ZHX3: variants seen among roughly 807,000 people sequenced by gnomAD.
The protein encoded by ZHX3 is zinc fingers and homeoboxes 3, also known as zinc fingers and homeoboxes protein 3.
Under a neutral mutation model 64.5 loss-of-function variants are expected in ZHX3, and 20 were observed. The ratio of observed to expected loss-of-function variants is 0.31; its 90% CI spans 0.22 to 0.45. ZHX3 has a LOEUF of 0.45. Ranked by LOEUF, ZHX3 falls within the 20% of genes least tolerant of loss-of-function variation. The pLI, the probability that ZHX3 is intolerant of heterozygous loss-of-function variation, is 1.00. For synonymous variants in ZHX3, 423 were observed against 461.6 expected (o/e 0.92, Z 1.07); for missense variants, 1,041 against 1,195.8 (o/e 0.87, Z 1.91).
At chr20:41,243,316 G>A (rs2041500645) in intron 2 of ZHX3, among the ~76,000 whole-genome samples, 2 of 152,102 alleles carry the variant, frequency 1.3e-5, no homozygotes, top group South Asian at 4.2e-4. Context: ...TGGCTGCCTG[G>A]AATTAAGATT....
At chr20:41,305,958 G>A (rs2044967663) in intron 1 of ZHX3, among the ~76,000 whole-genome samples, 1 of 152,006 alleles carries the variant, frequency 6.6e-6, no homozygotes, top group Admixed American at 6.6e-5. Context: ...ATTGTGGTAT[G>A]TATTGTATTA....
At position 41,185,454 on chromosome 20, in the gene ZHX3, C is replaced by A; in HGVS notation, c.2861-253G>T. On this transcript the variant is annotated intron_variant, in intron 3 of 3. Coordinates refer to ENST00000683867, the MANE Select transcript of ZHX3 (RefSeq NM_001384317.1). The surrounding 1 kb of genome is among the most constrained non-coding windows in gnomAD (Gnocchi z 5.0). ...AGACCCTGCTAAACCCTAGGCCTAG[C>A]AGCAGGAGCAGTGGTTTGGCCTCTC... 1 of 581,318 alleles carries A rather than the reference C, an allele frequency of 1.7e-6. No individual in the cohort carries two copies. The highest frequency in any genetic ancestry group is 3.0e-6 in the Non-Finnish European group (1 of 330,138). 36.0% of individuals were successfully genotyped at this position (581,318 alleles called of 1,614,324 possible). A position where few individuals can be genotyped will look rare whatever the true frequency, so the allele number is the denominator to read the frequency against.
rs6072306 is a variant in ZHX3, at chr20:41,201,170, C to A, written c.2860+887G>T. The A allele has an allele frequency of 8.9e-6, 6 of 675,552 alleles. No individual in the cohort carries two copies. Among genetic ancestry groups the A allele is most frequent in the Non-Finnish European group, 1.3e-5 (6 of 473,004 alleles). 41.8% of individuals were successfully genotyped at this position (675,552 alleles called of 1,614,324 possible). A position where few individuals can be genotyped will look rare whatever the true frequency, so the allele number is the denominator to read the frequency against. ...CACGGAACCATCACATTGCCCAACACCACAAATAGTGTCTCCTGTACCCCC... is the reference window on the plus strand; with the variant it reads ...CACGGAACCATCACATTGCCCAACAACACAAATAGTGTCTCCTGTACCCCC... On this transcript the variant is annotated intron_variant, in intron 3 of 3. Transcript: ENST00000683867. This position sits in a 1 kb window ranked among gnomAD's most constrained non-coding sequence, Gnocchi z 5.0.
At chr20:41,316,399 C>G (rs894946062) in intron 1 of ZHX3, among the ~76,000 whole-genome samples, 1 of 152,066 alleles carries the variant, frequency 6.6e-6, no homozygotes, top group African/African-American at 2.4e-5. Context: ...CAGAATTATC[C>G]GGCAAAATAC....
chr20:41,296,232 TAAAAAAAAAAA>T (rs57987896), intron 1 of ZHX3, among the ~76,000 whole-genome samples: 17 of 73,002 alleles, frequency 2.3e-4, no homozygotes, highest in Admixed American at 4.6e-4. Context: ...GTTCATAAAG[TAAAAAAAAAAA>T]AAAAAAAAAA....
intron 3 of ZHX3, among the ~76,000 whole-genome samples, chr20:41,190,968 T>C (rs1316923598): frequency 6.6e-6 from 1 of 152,222 alleles, no homozygotes; most frequent in Non-Finnish European, 1.5e-5. Context: ...CTTAGAATTA[T>C]CTGACTTTAG....
intron 2 of ZHX3, among the ~76,000 whole-genome samples, chr20:41,268,498 A>G (rs1018147567): frequency 2.0e-5 from 3 of 152,216 alleles, no homozygotes; most frequent in African/African-American, 7.2e-5. Flanking sequence ...AATACACTAG[A>G]TCATTTTTTA....
Position 41,181,082 on chromosome 20 carries a change from G to C in ZHX3, c.*4109C>G, listed in dbSNP as rs2036234692. 1.3e-5 allele frequency: 2 copies of C among 152,342 alleles called. No homozygotes were observed. 9.4% of individuals were successfully genotyped at this position (152,342 alleles called of 1,614,324 possible). ...CGTGGTCTGGGCAGGCTGGCTGAGA[G>C]AGGTCTGTGCTCTCAGGTAAAAGGA... is the stretch of plus-strand genomic sequence containing the variant. On this transcript the variant is annotated 3_prime_UTR_variant, in exon 4 of 4. Coordinates refer to ENST00000683867, the MANE Select transcript of ZHX3 (RefSeq NM_001384317.1).
At chr20:41,303,866 G>A (rs1452903310) in intron 1 of ZHX3, among the ~76,000 whole-genome samples, 1 of 152,202 alleles carries the variant, frequency 6.6e-6, no homozygotes, top group East Asian at 1.9e-4. Context: ...TCCTAGCTGA[G>A]CTCTTTTAAG....
Position 41,185,032 on chromosome 20 carries a change from G to A in ZHX3, c.*159C>T, listed in dbSNP as rs114055523. ...TGGTGGTGGGCAGGCCGAGGGTAGC[G>A]GCAGGCTCTGGGCTGTCTGCGAGGA... is the stretch of plus-strand genomic sequence containing the variant. On this transcript the variant is annotated 3_prime_UTR_variant, in exon 4 of 4. Coordinates refer to ENST00000683867, the MANE Select transcript of ZHX3 (RefSeq NM_001384317.1). The surrounding 1 kb of genome is among the most constrained non-coding windows in gnomAD (Gnocchi z 5.0). 6.2e-4 allele frequency: 969 copies of A among 1,551,666 alleles called. 5 individuals are homozygous for A. The African/African-American group carries it at 0.012, about 19-fold the overall frequency.
At chr20:41,254,900 G>A (rs915537756) in intron 2 of ZHX3, among the ~76,000 whole-genome samples, 3 of 152,056 alleles carry the variant, frequency 2.0e-5, no homozygotes, top group African/African-American at 7.2e-5. Context: ...AGCCTATAAT[G>A]AATGTGTGCT....
chr20:41,217,607 C>A (rs2039620650), intron 2 of ZHX3, among the ~76,000 whole-genome samples: 1 of 152,158 alleles, frequency 6.6e-6, no homozygotes, highest in Admixed American at 6.5e-5. Context: ...CTAAGTAAAT[C>A]AGTTGGCTTG....
intron 2 of ZHX3, among the ~76,000 whole-genome samples, chr20:41,207,608 G>A (rs975786741): frequency 3.9e-5 from 6 of 152,254 alleles, no homozygotes; most frequent in African/African-American, 2.4e-5. Context: ...GGTACATAAC[G>A]AAATGAAGGC....
chr20:41,298,537 A>G (rs1022260668), intron 1 of ZHX3, among the ~76,000 whole-genome samples: 2 of 152,212 alleles, frequency 1.3e-5, no homozygotes, highest in Non-Finnish European at 2.9e-5. Flanking sequence ...GTATATTACA[A>G]TATTAACAAA....
intron 1 of ZHX3, among the ~76,000 whole-genome samples, chr20:41,286,482 G>C (rs774886199): frequency 6.6e-6 from 1 of 152,174 alleles, no homozygotes; most frequent in African/African-American, 2.4e-5. Flanking sequence ...TCTTCTGTAA[G>C]TCATACTTAT....
Position 41,232,554 on chromosome 20 carries a change from C to T in ZHX3, c.-150-27488G>A, listed in dbSNP as rs968239665. Among the ~76,000 whole-genome samples, 1 of 152,178 alleles carries T rather than the reference C, an allele frequency of 6.6e-6. No individual in the cohort carries two copies. The highest frequency in any genetic ancestry group is 6.5e-5 in the Admixed American group (1 of 15,274). On this transcript the variant is annotated intron_variant, in intron 2 of 3. Coordinates refer to ENST00000683867, the MANE Select transcript of ZHX3 (RefSeq NM_001384317.1). The surrounding 1 kb of genome is among the most constrained non-coding windows in gnomAD (Gnocchi z 5.0). ...AAGAGATATGAAAATTGAAACACAG[C>T]ACCCTCTGGTGTACATAGCTGTCTT...
chr20:41,262,270 A>C (rs2042601018), intron 2 of ZHX3, among the ~76,000 whole-genome samples: 1 of 152,060 alleles, frequency 6.6e-6, no homozygotes, highest in Non-Finnish European at 1.5e-5. Flanking sequence ...AGAACATGGC[A>C]CTCCCTTGCT....
Position 41,202,633 on chromosome 20 carries a change from G to C in ZHX3, c.2284C>G (p.Gln762Glu). 1 of 1,613,870 alleles carries C rather than the reference G, an allele frequency of 6.2e-7. No individual in the cohort carries two copies. Among genetic ancestry groups the C allele is most frequent in the Non-Finnish European group, 8.5e-7 (1 of 1,180,016 alleles). Residue 762 changes from glutamine (Q) to glutamate (E), a missense_variant, in exon 3 of 4, where the codon CAG becomes GAG. By Grantham distance (29) the Gln-to-Glu change is conservative. Transcript: ENST00000683867. The surrounding 1 kb of genome is among the most constrained non-coding windows in gnomAD (Gnocchi z 7.0). ...EDDESNKLAE[Q>E]LPGKVSCKKT... is the part of the protein sequence containing the mutation. ...TTGCAGCTCACTTTGCCTGGGAGCT[G>C]CTCTGCCAGTTTGTTTGACTCATCA...
At position 41,202,626 on chromosome 20, in the gene ZHX3, G is replaced by A. The variant is rs754969219; in HGVS notation, c.2291C>T (p.Pro764Leu). The part of the protein sequence containing the change: ...DESNKLAEQL[P>L]GKVSCKKTAQ... ...AGTCTTTTTGCAGCTCACTTTGCCT[G>A]GGAGCTGCTCTGCCAGTTTGTTTGA... Residue 764 changes from proline (P) to leucine (L), a missense_variant, in exon 3 of 4, where the codon CCA becomes CTA. Physicochemically the swap from Pro to Leu is moderately conservative, Grantham distance 98 (BLOSUM62 -3). Coordinates refer to ENST00000683867, the MANE Select transcript of ZHX3 (RefSeq NM_001384317.1). The surrounding 1 kb of genome is among the most constrained non-coding windows in gnomAD (Gnocchi z 7.0). 2 of 1,613,876 alleles carry A rather than the reference G, an allele frequency of 1.2e-6. No homozygotes were observed. The highest frequency in any genetic ancestry group is 1.7e-6 in the Non-Finnish European group (2 of 1,180,012).
Sources: gnomAD v4.1 joint callset for allele counts (sites outside exome capture counted in the v4.1 genomes callset) on GRCh38, gnomAD v4.1.1 for gene constraint, Gnocchi (gnomAD v3.1) non-coding constraint, MANE v1.5 for transcripts, NCBI Gene and HGNC (gene_info 2026-07-23, HGNC 2026-07-21) for gene names.